BIRC6: variants seen among roughly 807,000 people sequenced by gnomAD.
BIRC6 encodes baculoviral IAP repeat containing 6.
A neutral mutation model predicts 503.3 loss-of-function variants in BIRC6; 98 were observed. The ratio of observed to expected loss-of-function variants is 0.19; its 90% CI spans 0.17 to 0.23. The LOEUF (loss-of-function observed/expected upper bound fraction) is 0.23, where lower values mean the gene tolerates loss of function less well. Among genes scored for constraint, BIRC6 ranks in the 10% least tolerant of loss-of-function variants. The pLI, the probability that BIRC6 is intolerant of heterozygous loss-of-function variation, is 1.00. For missense variants in BIRC6, 5,360 were observed against 5,806.0 expected (o/e 0.92, Z 2.50); for synonymous variants, 2,240 against 2,078.7 (o/e 1.08, Z -2.11).
chr2:32,388,733 C>T lies in BIRC6; in HGVS notation c.646-17C>T, dbSNP rs2038835505. 6.4e-7 allele frequency: 1 copy of T among 1,552,150 alleles called. No homozygotes were observed. The highest frequency in any genetic ancestry group is 8.7e-7 in the Non-Finnish European group (1 of 1,147,730). On this transcript the variant is annotated splice_polypyrimidine_tract_variant and intron_variant, in intron 3 of 73. Coordinates refer to ENST00000421745, the MANE Select transcript of BIRC6 (RefSeq NM_016252.4). ...TTGAGTACATTTTCCTTTGCTTATACTCCCATTTTCTTTCAGTGGGCCACA... is the reference window on the plus strand; with the variant it reads ...TTGAGTACATTTTCCTTTGCTTATATTCCCATTTTCTTTCAGTGGGCCACA...
chr2:32,482,095 G>T (rs1226968190), intron 38 of BIRC6, among the ~76,000 whole-genome samples: 2 of 152,092 alleles, frequency 1.3e-5, no homozygotes, highest in African/African-American at 4.8e-5. Context: ...TGTGTTCATT[G>T]CAGAGTCTAC....
intron 21 of BIRC6, 134 bp from the exon 22 acceptor site, chr2:32,448,661 G>A (rs2148516643): frequency 1.6e-6 from 1 of 629,154 alleles, no homozygotes; most frequent in Middle Eastern, 4.4e-4. Flanking sequence ...GTGGAGAGGG[G>A]AGAGGGGAGA....
At chr2:32,369,497 G>A (rs559939266) in intron 1 of BIRC6, among the ~76,000 whole-genome samples, 40 of 146,750 alleles carry the variant, frequency 2.7e-4, no homozygotes, top group Admixed American at 1.0e-3. Flanking sequence ...GTGTGATCTC[G>A]GCTCACTACA....
In BIRC6 at chr2:32,415,159, T is replaced by A. The variant is rs749869987; in HGVS notation, c.1868T>A (p.Val623Glu). ...AATTCAGAACTAAATTCTCCTCTGG[T>A]AAGGAGGACTTTACCGGTTTTGCTT... ...CTNSELNSPL[V>E]RRTLPVLLLY... The change falls in exon 10 of 74, where the codon GTA becomes GAA. Residue 623 changes from valine (V) to glutamate (E), a missense_variant. Physicochemically the swap from Val to Glu is moderately radical, Grantham distance 121 (BLOSUM62 -2). Transcript: ENST00000421745. The A allele has an allele frequency of 1.2e-6, 2 of 1,613,868 alleles. No homozygotes were observed. The highest frequency in any genetic ancestry group is 2.7e-5 in the African/African-American group (2 of 74,920).
chr2:32,410,102 A>G (rs1270312319), intron 9 of BIRC6, among the ~76,000 whole-genome samples: 1 of 152,216 alleles, frequency 6.6e-6, no homozygotes, highest in Non-Finnish European at 1.5e-5. Context: ...TTATTTTGTC[A>G]TAGTATATAC....
intron 73 of BIRC6, among the ~76,000 whole-genome samples, chr2:32,612,146 G>A (rs1204651523): frequency 6.6e-6 from 1 of 152,152 alleles, no homozygotes; most frequent in Non-Finnish European, 1.5e-5. Flanking sequence ...GGAATTATAG[G>A]CATGAGCAAC....
chr2:32,611,128 T>G (rs995215075), intron 72 of BIRC6, among the ~76,000 whole-genome samples: 2 of 147,812 alleles, frequency 1.4e-5, no homozygotes, highest in African/African-American at 4.9e-5. Flanking sequence ...TTGTTTGAGA[T>G]GGAGGCTTGC....
At chr2:32,613,270 C>T (rs1343520907) in intron 73 of BIRC6, among the ~76,000 whole-genome samples, 4 of 151,904 alleles carry the variant, frequency 2.6e-5, no homozygotes, top group South Asian at 4.2e-4. Flanking sequence ...CTGCATCTTC[C>T]GCCTCCCTTG....
At chr2:32,383,245 A>G (rs781174934) in intron 3 of BIRC6, among the ~76,000 whole-genome samples, 1 of 151,386 alleles carries the variant, frequency 6.6e-6, no homozygotes, top group Non-Finnish European at 1.5e-5. Context: ...CGGTTTCACC[A>G]TGTTGGTCAG....
chr2:32,519,539 G>A (rs1352889416), intron 57 of BIRC6, among the ~76,000 whole-genome samples: 1 of 151,822 alleles, frequency 6.6e-6, no homozygotes, highest in African/African-American at 2.4e-5. Flanking sequence ...TTTTGAGAGG[G>A]GGGTCTCACT....
chr2:32,364,602 C>T (rs2149142007), intron 1 of BIRC6, among the ~76,000 whole-genome samples: 1 of 151,926 alleles, frequency 6.6e-6, no homozygotes, highest in Non-Finnish European at 1.5e-5. Context: ...TTTTCTTTTC[C>T]TATATAGATA....
At chr2:32,598,112 A>G in intron 69 of BIRC6, 144 bp downstream of exon 69, 1 of 767,182 alleles carries the variant, frequency 1.3e-6, no homozygotes, top group East Asian at 2.8e-5. Context: ...GACGGCAGTG[A>G]AAGGAGCCTC....
intron 21 of BIRC6, among the ~76,000 whole-genome samples, chr2:32,448,384 T>A (rs2046313669): frequency 6.8e-6 from 1 of 146,800 alleles, no homozygotes; most frequent in East Asian, 2.1e-4. Flanking sequence ...TGAACGAGAC[T>A]CCGTCTGCAA....
At chr2:32,488,807 G>C in intron 42 of BIRC6, 93 bp downstream of exon 42, 2 of 908,032 alleles carry the variant, frequency 2.2e-6, no homozygotes, top group Non-Finnish European at 3.1e-6. Context: ...TGTCATTAGG[G>C]GTTATAACAT....
At chr2:32,489,896 T>G in intron 42 of BIRC6, 145 bp from the exon 43 acceptor site, 1 of 601,572 alleles carries the variant, frequency 1.7e-6, no homozygotes, top group South Asian at 2.1e-5. Context: ...AATGGAGAAT[T>G]CCTTTTATTT....
Position 32,510,531 on chromosome 2 carries a change from A to T in BIRC6, c.10243A>T (p.Asn3415Tyr), listed in dbSNP as rs2054284646. ...AASGSDPTDL[N>Y]SPLLFGRLNG... ...TTTGGATTCTTTGTTGCAAGATTTG[A>T]ATAGTCCTTTACTTTTTGGAAGACT... is the stretch of plus-strand genomic sequence containing the variant. The change falls in exon 53 of 74, where the codon AAT becomes TAT. Residue 3415 changes from asparagine to tyrosine, a missense_variant. Coordinates refer to ENST00000421745, the MANE Select transcript of BIRC6 (RefSeq NM_016252.4). The T allele has an allele frequency of 1.9e-6, 3 of 1,574,594 alleles. No individual in the cohort carries two copies. The highest frequency in any genetic ancestry group is 1.1e-5 in the South Asian group (1 of 88,944).
chr2:32,452,635 T>C (rs1489156314), intron 22 of BIRC6, among the ~76,000 whole-genome samples: 2 of 152,260 alleles, frequency 1.3e-5, no homozygotes, highest in East Asian at 3.9e-4. Context: ...GAAACTCTCT[T>C]ATTCTTCCTA....
chr2:32,429,531 G>A (rs2043873470), intron 11 of BIRC6, among the ~76,000 whole-genome samples: 1 of 151,674 alleles, frequency 6.6e-6, no homozygotes, highest in African/African-American at 2.4e-5. Flanking sequence ...CATTAAGTAA[G>A]AATAAAATTA....
Position 32,388,907 on chromosome 2 carries a change from C to G in BIRC6, c.803C>G (p.Pro268Arg). 2 of 1,606,424 alleles carry G rather than the reference C, an allele frequency of 1.2e-6. No individual in the cohort carries two copies. Among genetic ancestry groups the G allele is most frequent in the Non-Finnish European group, 1.7e-6 (2 of 1,177,170 alleles). The change falls in exon 4 of 74, where the codon CCA (proline) becomes CGA (arginine). Residue 268 changes from proline (P) to arginine (R), a missense_variant. Around this residue, in one of 16 missense-constraint regions of BIRC6, gnomAD observed 134 missense variants for 150.9 expected, o/e 0.89. Transcript: ENST00000421745. ...RLSYLLPSAR[P>R]ELGVGPGRSV... ...TCTTACCTCTTACCTAGTGCACGTC[C>G]AGAACTCGGAGTGGGGCCAGGCCGT...
Sources: allele counts gnomAD v4.1 joint callset (sites outside exome capture counted in the v4.1 genomes callset), GRCh38; gene constraint gnomAD v4.1.1; regional missense constraint gnomAD v4.1.1; transcripts MANE v1.5; gene names NCBI Gene and HGNC (gene_info 2026-07-23, HGNC 2026-07-21).